The following PTPRN2 variants were observed in gnomAD, a reference collection of about 807,000 sequenced individuals.
PTPRN2 encodes protein tyrosine phosphatase receptor type N2.
Under a neutral mutation model 118.8 loss-of-function variants are expected in PTPRN2, and 74 were observed. The observed-to-expected ratio is 0.62, with a 90% confidence interval of 0.52 to 0.76. The LOEUF is 0.76. PTPRN2 is among the 30% of genes least tolerant of loss of function. PTPRN2 has a pLI of 0.00. For synonymous variants in PTPRN2, 641 were observed against 608.0 expected (o/e 1.05, Z -0.80); for missense variants, 1,481 against 1,394.4 (o/e 1.06, Z -0.99).
chr7:158,118,428 C>T (rs1286683277), intron 9 of PTPRN2, among the ~76,000 whole-genome samples: 1 of 152,066 alleles, frequency 6.6e-6, no homozygotes, highest in Non-Finnish European at 1.5e-5. Context: ...GGAATTTAGG[C>T]ATTTAATTTT....
intron 2 of PTPRN2, among the ~76,000 whole-genome samples, chr7:158,329,515 A>C (rs1342159653): frequency 6.6e-6 from 1 of 152,166 alleles, no homozygotes; most frequent in African/African-American, 2.4e-5. Flanking sequence ...CTCCAGCCAC[A>C]TGAGGACACG....
intron 3 of PTPRN2, among the ~76,000 whole-genome samples, chr7:158,274,918 G>C (rs1001564488): frequency 1.3e-5 from 2 of 152,154 alleles, no homozygotes; most frequent in African/African-American, 2.4e-5. Flanking sequence ...ATAAGATCTC[G>C]ACAAAGACCA....
intron 2 of PTPRN2, among the ~76,000 whole-genome samples, chr7:158,429,376 C>T (rs536059592): frequency 6.6e-6 from 1 of 152,374 alleles, no homozygotes; most frequent in African/African-American, 2.4e-5. Context: ...GTTCCTCCTG[C>T]AGCTCAGAGC....
rs976603035 is a variant in PTPRN2, at chr7:157,539,411, G to A, written c.*1303C>T. On this transcript the variant is annotated 3_prime_UTR_variant, in exon 23 of 23. Coordinates refer to ENST00000389418, the MANE Select transcript of PTPRN2 (RefSeq NM_002847.5). ...GGCGGGATGGAGGTGCGTTTTCTAC[G>A]CTGAACCCCACACAGGAAATCTGCA... 4.6e-5 allele frequency: 7 copies of A among 152,296 alleles called. No individual in the cohort carries two copies. The highest frequency in any genetic ancestry group is 9.6e-5 in the African/African-American group (4 of 41,528). The allele number at this position is 152,296 out of a possible 1,614,324, so 9.4% of individuals were successfully genotyped here.
intron 20 of PTPRN2, among the ~76,000 whole-genome samples, chr7:157,569,732 G>A (rs143770625): frequency 7.2e-5 from 11 of 152,296 alleles, no homozygotes; most frequent in African/African-American, 1.2e-4. Context: ...TCCTGCCCCC[G>A]TGCAGACGCT....
intron 12 of PTPRN2, among the ~76,000 whole-genome samples, chr7:157,750,864 C>T (rs1801421402): frequency 2.0e-5 from 3 of 152,214 alleles, no homozygotes; most frequent in Non-Finnish European, 4.4e-5. Flanking sequence ...GACACCGTGG[C>T]ATTGGAGCAG....
At chr7:158,484,225 C>T (rs182586629) in intron 2 of PTPRN2, among the ~76,000 whole-genome samples, 55 of 152,288 alleles carry the variant, frequency 3.6e-4, no homozygotes, top group Admixed American at 2.6e-3. Flanking sequence ...ACCTCAGAGC[C>T]TCTCAGTACC....
At position 158,138,525 on chromosome 7, in the gene PTPRN2, C is replaced by T. The variant is rs770899923; in HGVS notation, c.911-10G>A. ...GTATGAATCCGTGCTCCTAGGGGCA[C>T]ACACACAAACACAAGGACGTTGTGG... On this transcript the variant is annotated splice_polypyrimidine_tract_variant and intron_variant, in intron 6 of 22. Transcript: ENST00000389418. The T allele has an allele frequency of 1.7e-5, 27 of 1,605,826 alleles. No homozygotes were observed. Among genetic ancestry groups the T allele is most frequent in the Non-Finnish European group, 2.2e-5 (26 of 1,177,244 alleles).
chr7:157,781,779 T>G (rs1310164016), intron 12 of PTPRN2, among the ~76,000 whole-genome samples: 1 of 152,164 alleles, frequency 6.6e-6, no homozygotes, highest in African/African-American at 2.4e-5. Context: ...TACTTCAGCC[T>G]CAATACCCTG....
At chr7:158,455,130 C>T (rs1336669121) in intron 2 of PTPRN2, among the ~76,000 whole-genome samples, 1 of 152,270 alleles carries the variant, frequency 6.6e-6, no homozygotes, top group African/African-American at 2.4e-5. Context: ...GCAGCCAGCA[C>T]AGTAAGCTTT....
At chr7:158,576,534 G>A (rs574121603) in intron 1 of PTPRN2, among the ~76,000 whole-genome samples, 13 of 152,284 alleles carry the variant, frequency 8.5e-5, no homozygotes, top group African/African-American at 1.9e-4. Flanking sequence ...TGCCTCTCCC[G>A]CAGAGGCCTC....
At chr7:157,995,910 G>A (rs755064421) in intron 11 of PTPRN2, among the ~76,000 whole-genome samples, 22 of 152,194 alleles carry the variant, frequency 1.4e-4, no homozygotes, top group Non-Finnish European at 2.9e-4. Context: ...TAAAGAAAAC[G>A]TGGTGTGTCC....
At chr7:158,308,655 T>C (rs1269502698) in intron 3 of PTPRN2, among the ~76,000 whole-genome samples, 125 of 149,450 alleles carry the variant, frequency 8.4e-4, no homozygotes, top group East Asian at 2.0e-4. Context: ...TCAACTAGAT[T>C]ATTATAAAGA....
chr7:157,704,522 G>T (rs1042910091), intron 12 of PTPRN2, among the ~76,000 whole-genome samples: 15 of 152,182 alleles, frequency 9.9e-5, no homozygotes, highest in African/African-American at 3.6e-4. Flanking sequence ...GGGCCTGAAG[G>T]TCCCACCCTC....
At chr7:158,319,454 A>ACACAGCCTCCCTCACACACAAG (rs1802660228) in intron 2 of PTPRN2, among the ~76,000 whole-genome samples, 1 of 114,596 alleles carries the variant, frequency 8.7e-6, no homozygotes, top group Non-Finnish European at 1.7e-5. Flanking sequence ...TCACACACGC[A>ACACAGCCTCCCTCACACACAAG]CACAGCCTCC....
chr7:158,577,035 A>G (rs1466388805), intron 1 of PTPRN2, among the ~76,000 whole-genome samples: 112 of 87,460 alleles, frequency 1.3e-3, no homozygotes, highest in Admixed American at 1.6e-3. Context: ...TGATGCCACA[A>G]ACAGCATGGG....
intron 1 of PTPRN2, among the ~76,000 whole-genome samples, chr7:158,515,226 G>A (rs1325545936): frequency 6.8e-6 from 1 of 146,568 alleles, no homozygotes; most frequent in Non-Finnish European, 1.5e-5. Context: ...CCCTCTTGTT[G>A]CCCAGGCTGG....
chr7:158,251,639 GCA>G lies in PTPRN2; in HGVS notation c.278-46368_278-46367del, dbSNP rs1384761929. Reference sequence around the variant, plus strand: ...CAGGTGTGCAATGGATGTCTATGGTGCACATGTGGTGTGCACAGGTGTGCAAT... The same window carrying G: ...CAGGTGTGCAATGGATGTCTATGGTGCATGTGGTGTGCACAGGTGTGCAAT... On this transcript the variant is annotated intron_variant, in intron 3 of 22. Coordinates refer to ENST00000389418, the MANE Select transcript of PTPRN2 (RefSeq NM_002847.5). Among the ~76,000 whole-genome samples, 100 of 120,468 alleles carry G rather than the reference GCA, an allele frequency of 8.3e-4. 3 individuals carry two copies. Among genetic ancestry groups the G allele is most frequent in the Admixed American group, 7.0e-3 (70 of 10,034 alleles). The allele number at this position is 120,468 out of a possible 152,430, so 79.0% of individuals were successfully genotyped here. A position where few individuals can be genotyped will look rare whatever the true frequency, so the allele number is the denominator to read the frequency against.
chr7:157,827,539 A>T (rs1450264415), intron 12 of PTPRN2, among the ~76,000 whole-genome samples: 1 of 152,218 alleles, frequency 6.6e-6, no homozygotes, highest in Non-Finnish European at 1.5e-5. Context: ...GTGAGGCGTG[A>T]CGTCCTCCAT....
Sources: gnomAD v4.1 joint callset for allele counts (sites outside exome capture counted in the v4.1 genomes callset) on GRCh38, gnomAD v4.1.1 for gene constraint, MANE v1.5 for transcripts, NCBI Gene and HGNC (gene_info 2026-07-23, HGNC 2026-07-21) for gene names.